The following EIPR1 variants were observed in gnomAD, a reference collection of about 807,000 sequenced individuals.
The protein encoded by EIPR1 is EARP complex and GARP complex interacting protein 1.
In EIPR1, 25 loss-of-function variants were observed where a neutral mutation model predicts 48.1. That is an observed-to-expected ratio of 0.52 (90% CI 0.38 to 0.73). The LOEUF (loss-of-function observed/expected upper bound fraction) is 0.73. Ranked by LOEUF, EIPR1 falls within the 30% of genes least tolerant of loss-of-function variation. The probability of loss-of-function intolerance (pLI) is 0.00; values close to 1 mark genes in which losing one functional copy is unlikely to be tolerated. For synonymous variants in EIPR1, 204 were observed against 201.9 expected (o/e 1.01, Z -0.09); for missense variants, 415 against 506.2 (o/e 0.82, Z 1.73).
At chr2:3,287,157 C>A (rs1328133589) in intron 3 of EIPR1, among the ~76,000 whole-genome samples, 1 of 152,202 alleles carries the variant, frequency 6.6e-6, no homozygotes, top group African/African-American at 2.4e-5. Flanking sequence ...AAAACTCATT[C>A]AACATGTTCC....
intron 3 of EIPR1, among the ~76,000 whole-genome samples, chr2:3,288,904 A>G (rs1668287059): frequency 6.6e-6 from 1 of 152,218 alleles, no homozygotes; most frequent in South Asian, 2.1e-4. Flanking sequence ...CAACGCCCAC[A>G]GGCCCCAGCA....
intron 1 of EIPR1, among the ~76,000 whole-genome samples, chr2:3,369,625 G>C (rs1368402065): frequency 6.6e-6 from 1 of 152,306 alleles, no homozygotes; most frequent in Non-Finnish European, 1.5e-5. Flanking sequence ...ACGGAGTCTC[G>C]CTGATTGCTA....
intron 3 of EIPR1, among the ~76,000 whole-genome samples, chr2:3,280,306 G>A (rs989122905): frequency 2.6e-5 from 4 of 152,204 alleles, no homozygotes; most frequent in African/African-American, 4.8e-5. Context: ...GAGGCTCCAC[G>A]CTCCCTCACG....
chr2:3,328,898 T>C (rs36151902), intron 3 of EIPR1, among the ~76,000 whole-genome samples: 3 of 118,396 alleles, frequency 2.5e-5, no homozygotes, highest in Non-Finnish European at 3.4e-5. Context: ...GATCTCGGGG[T>C]GCCAGCCTGG....
intron 3 of EIPR1, among the ~76,000 whole-genome samples, chr2:3,323,365 C>T (rs1342899356): frequency 6.6e-6 from 1 of 152,230 alleles, no homozygotes; most frequent in African/African-American, 2.4e-5. Context: ...CCCCCAGTAT[C>T]CCCGGCTTCC....
intron 3 of EIPR1, among the ~76,000 whole-genome samples, chr2:3,332,336 G>A (rs893883821): frequency 6.6e-5 from 10 of 152,226 alleles, no homozygotes; most frequent in Non-Finnish European, 1.3e-4. Context: ...GGAGGGAGGT[G>A]ACTGGAAGTA....
chr2:3,295,766 TG>T (rs1668554604), intron 3 of EIPR1, among the ~76,000 whole-genome samples: 3 of 101,972 alleles, frequency 2.9e-5, no homozygotes, highest in African/African-American at 1.2e-4. Flanking sequence ...GTCCTCTCTC[TG>T]CACACACACC....
At chr2:3,264,077 A>G (rs1667415600) in intron 3 of EIPR1, among the ~76,000 whole-genome samples, 1 of 152,202 alleles carries the variant, frequency 6.6e-6, no homozygotes, top group Admixed American at 6.5e-5. Flanking sequence ...AAGACATCCA[A>G]TAGATCTCTG....
In EIPR1 at chr2:3,192,399, A is replaced by G; in HGVS notation, c.989+15T>C. On this transcript the variant is annotated intron_variant, in intron 8 of 8. Transcript: ENST00000382125. ...TCTGGTACAGCGTGAGCCACTCTGC[A>G]GTGCGTGCCCTTACTTCTCTTCAGA... is the stretch of plus-strand genomic sequence containing the variant. 6.3e-7 allele frequency: 1 copy of G among 1,594,430 alleles called. No individual in the cohort carries two copies. The highest frequency in any genetic ancestry group is 8.5e-7 in the Non-Finnish European group (1 of 1,170,172).
At chr2:3,301,392 G>A (rs568969974) in intron 3 of EIPR1, 52 of 152,158 alleles carry the variant, frequency 3.4e-4, no homozygotes, top group African/African-American at 1.2e-3. Flanking sequence ...GAACACTGAG[G>A]AGTCTCCCAG....
chr2:3,339,703 C>T (rs549381261), intron 2 of EIPR1, among the ~76,000 whole-genome samples: 1 of 152,304 alleles, frequency 6.6e-6, no homozygotes, highest in South Asian at 2.1e-4. Flanking sequence ...AATTGTAGCA[C>T]TTTGGGAGGC....
intron 2 of EIPR1, among the ~76,000 whole-genome samples, chr2:3,340,079 G>A (rs182130660): frequency 6.6e-4 from 101 of 152,356 alleles, no homozygotes; most frequent in African/African-American, 2.4e-3. Context: ...AGAAGCAGAT[G>A]CTGCTATGTT....
intron 4 of EIPR1, among the ~76,000 whole-genome samples, chr2:3,227,686 A>G (rs116217073): frequency 6.6e-6 from 1 of 152,234 alleles, no homozygotes; most frequent in Non-Finnish European, 1.5e-5. Flanking sequence ...ACAGGCCCAG[A>G]GGCCTAAGAG....
At position 3,377,000 on chromosome 2, in the gene EIPR1, T is replaced by C. The variant is rs565081455; in HGVS notation, c.42+648A>G. Among the ~76,000 whole-genome samples the C allele has an allele frequency of 5.9e-5, 9 of 152,346 alleles. No homozygotes were observed. The East Asian group carries it at 1.7e-3, about 29-fold the overall frequency. ...CCTGAACTACCATGTGCATTGCTTA[T>C]GCTCTGGGGGCTCATTCGGTTCATA... On this transcript the variant is annotated intron_variant, in intron 1 of 8. Coordinates refer to ENST00000382125, the MANE Select transcript of EIPR1 (RefSeq NM_003310.5).
intron 3 of EIPR1, chr2:3,261,973 T>C (rs1348785942): frequency 6.6e-6 from 1 of 152,248 alleles, no homozygotes; most frequent in Non-Finnish European, 1.5e-5. Flanking sequence ...CATTGGCTTC[T>C]GCAGAAAGCT....
chr2:3,369,730 G>C (rs4854185), intron 1 of EIPR1, among the ~76,000 whole-genome samples: 1 of 152,132 alleles, frequency 6.6e-6, no homozygotes, highest in Non-Finnish European at 1.5e-5. Flanking sequence ...CAAAGCAGCC[G>C]GGAAGCTCGA....
intron 3 of EIPR1, among the ~76,000 whole-genome samples, chr2:3,331,056 C>T: frequency 9.4e-6 from 1 of 106,458 alleles, no homozygotes; most frequent in Non-Finnish European, 1.8e-5. Flanking sequence ...TCATGAGACA[C>T]ATGAGCAAAG....
chr2:3,205,717 G>A (rs916188546), intron 5 of EIPR1, among the ~76,000 whole-genome samples: 2 of 152,172 alleles, frequency 1.3e-5, no homozygotes, highest in African/African-American at 2.4e-5. Context: ...AGCTTTGAAC[G>A]TGAATGCCCC....
At chr2:3,345,004 T>C (rs1670357811) in intron 2 of EIPR1, among the ~76,000 whole-genome samples, 1 of 152,190 alleles carries the variant, frequency 6.6e-6, no homozygotes, top group Non-Finnish European at 1.5e-5. Context: ...CCCTTGCCCA[T>C]GAAGCCCAAA....
Sources: allele counts gnomAD v4.1 joint callset (sites outside exome capture counted in the v4.1 genomes callset), GRCh38; gene constraint gnomAD v4.1.1; transcripts MANE v1.5; gene names NCBI Gene and HGNC (gene_info 2026-07-23, HGNC 2026-07-21).